LPP: variants seen among roughly 807,000 people sequenced by gnomAD.
The protein encoded by LPP is LIM domain containing preferred translocation partner in lipoma.
A neutral mutation model predicts 60.4 loss-of-function variants in LPP; 38 were observed. The ratio of observed to expected loss-of-function variants is 0.63; its 90% CI spans 0.49 to 0.83. The LOEUF (loss-of-function observed/expected upper bound fraction) is 0.83. LPP is among the 40% of genes least tolerant of loss of function. The pLI is 0.00. For missense variants in LPP, 902 were observed against 783.6 expected, an observed-to-expected ratio of 1.15 and a Z score of -1.80; for synonymous variants, 328 against 290.8, an observed-to-expected ratio of 1.13 and a Z score of -1.30.
chr3:188,683,273 G>C (rs191861102), intron 7 of LPP, among the ~76,000 whole-genome samples: 2 of 151,872 alleles, frequency 1.3e-5, no homozygotes, highest in African/African-American at 4.8e-5. Context: ...TCAGACTGTG[G>C]GCCATGGACC....
intron 6 of LPP, among the ~76,000 whole-genome samples, chr3:188,546,708 T>C (rs977484631): frequency 1.3e-5 from 2 of 152,198 alleles, no homozygotes; most frequent in Non-Finnish European, 2.9e-5. Context: ...TCCACAAAAG[T>C]TTAGCTATCT....
intron 7 of LPP, among the ~76,000 whole-genome samples, chr3:188,633,155 A>T (rs1848141269): frequency 6.6e-6 from 1 of 152,226 alleles, no homozygotes; most frequent in Non-Finnish European, 1.5e-5. Context: ...ATATGTTGTC[A>T]CTATCATACT....
intron 6 of LPP, among the ~76,000 whole-genome samples, chr3:188,549,386 T>C (rs1161001029): frequency 7.6e-6 from 1 of 131,786 alleles, no homozygotes; most frequent in Non-Finnish European, 1.7e-5. Context: ...GTTCTACTTC[T>C]CTATTTTGTG....
At chr3:188,399,910 T>C (rs998076488) in intron 3 of LPP, among the ~76,000 whole-genome samples, 1 of 152,244 alleles carries the variant, frequency 6.6e-6, no homozygotes, top group African/African-American at 2.4e-5. Flanking sequence ...GACAGTGACT[T>C]GACATTCACA....
At position 188,872,688 on chromosome 3, in the gene LPP, A is replaced by G. The variant is rs750419674; in HGVS notation, c.1635A>G (p.Pro545=). The G allele has an allele frequency of 7.2e-5, 116 of 1,614,074 alleles. No homozygotes were observed. The highest frequency in any genetic ancestry group is 9.7e-5 in the Non-Finnish European group (114 of 1,180,038). The change falls in exon 11 of 12, where the codon CCA becomes CCG. Residue 545 remains proline, a synonymous_variant. Transcript: ENST00000617246. ...CTGTGTGCAAGGAGCCTATTATGCC[A>G]GCCCCGGGCCAGGAGGAGACTGTCC... ...RCSVCKEPIM[P]APGQEETVRI...
At chr3:188,227,436 T>A (rs73057647) in intron 2 of LPP, among the ~76,000 whole-genome samples, 2,517 of 148,078 alleles carry the variant, frequency 0.017, 62 homozygotes, top group African/African-American at 0.057. Context: ...ACTGGAAGAG[T>A]CTTAGAAGTT....
intron 8 of LPP, chr3:188,710,270 A>T (rs1866364615): frequency 6.6e-6 from 1 of 152,224 alleles, no homozygotes; most frequent in Non-Finnish European, 1.5e-5. Flanking sequence ...GTGGCAGTTT[A>T]GCTTAGCTAA....
At chr3:188,169,800 A>G (rs1003261476) in intron 1 of LPP, among the ~76,000 whole-genome samples, 3 of 152,200 alleles carry the variant, frequency 2.0e-5, no homozygotes, top group Non-Finnish European at 4.4e-5. Flanking sequence ...AACCTCCCAC[A>G]GCCCAGAAGG....
chr3:188,565,394 C>T (rs1327623307), intron 6 of LPP, among the ~76,000 whole-genome samples: 1 of 151,968 alleles, frequency 6.6e-6, no homozygotes, highest in Non-Finnish European at 1.5e-5. Flanking sequence ...GAGATCCGCT[C>T]CTCTCACTTT....
intron 4 of LPP, among the ~76,000 whole-genome samples, chr3:188,458,868 CCTT>C (rs1472140437): frequency 2.0e-5 from 3 of 150,582 alleles, no homozygotes; most frequent in East Asian, 3.9e-4. Context: ...TTCTTTCTTT[CCTT>C]CTTTTTTTTT....
At chr3:188,454,826 C>T (rs569326005) in intron 4 of LPP, among the ~76,000 whole-genome samples, 18 of 152,236 alleles carry the variant, frequency 1.2e-4, no homozygotes, top group African/African-American at 4.3e-4. Context: ...CATGATCTCC[C>T]ACGGCATCCC....
chr3:188,838,652 C>G (rs1577896543), intron 9 of LPP, among the ~76,000 whole-genome samples: 1 of 152,190 alleles, frequency 6.6e-6, no homozygotes, highest in East Asian at 1.9e-4. Flanking sequence ...GTGGCACATA[C>G]ACGCCATGGA....
intron 2 of LPP, among the ~76,000 whole-genome samples, chr3:188,254,141 G>T (rs144203818): frequency 5.3e-4 from 80 of 152,204 alleles, no homozygotes; most frequent in African/African-American, 1.9e-3. Flanking sequence ...ACTAAAACAA[G>T]GTCTGCCCAC....
At chr3:188,273,589 CTTT>C (rs11380757) in intron 2 of LPP, among the ~76,000 whole-genome samples, 1 of 80,422 alleles carries the variant, frequency 1.2e-5, no homozygotes, top group African/African-American at 4.7e-5. Context: ...TATTTTATAT[CTTT>C]TTTTTTTTTT....
At chr3:188,510,609 T>C (rs1475748021) in intron 5 of LPP, among the ~76,000 whole-genome samples, 1 of 152,212 alleles carries the variant, frequency 6.6e-6, no homozygotes, top group Non-Finnish European at 1.5e-5. Flanking sequence ...ATCCTTTAGA[T>C]ATCAGCACCT....
At chr3:188,269,999 T>C (rs1461671382) in intron 2 of LPP, among the ~76,000 whole-genome samples, 1 of 150,350 alleles carries the variant, frequency 6.7e-6, no homozygotes, top group Non-Finnish European at 1.5e-5. Context: ...TTCTTATCGT[T>C]TCTTTTCTTT....
chr3:188,658,333 A>T (rs900563439), intron 7 of LPP, among the ~76,000 whole-genome samples: 1 of 152,090 alleles, frequency 6.6e-6, no homozygotes, highest in African/African-American at 2.4e-5. Flanking sequence ...TTTAGTAGAG[A>T]TAGAGTTTCG....
chr3:188,801,970 AT>A (rs1747402508), intron 9 of LPP, among the ~76,000 whole-genome samples: 2 of 152,192 alleles, frequency 1.3e-5, no homozygotes, highest in Non-Finnish European at 2.9e-5. Context: ...ATTTTAGCAT[AT>A]TCCCGTATCA....
At chr3:188,680,590 C>T (rs937359561) in intron 7 of LPP, among the ~76,000 whole-genome samples, 3 of 152,126 alleles carry the variant, frequency 2.0e-5, no homozygotes, top group Non-Finnish European at 2.9e-5. Flanking sequence ...CAGAAAATAA[C>T]AGTGATGCAT....
Sources: allele counts gnomAD v4.1 joint callset (sites outside exome capture counted in the v4.1 genomes callset), GRCh38; gene constraint gnomAD v4.1.1; transcripts MANE v1.5; gene names NCBI Gene and HGNC (gene_info 2026-07-23, HGNC 2026-07-21).